KPNA3: variants seen among roughly 807,000 people sequenced by gnomAD.
The protein encoded by KPNA3 is importin subunit alpha-4.
KPNA3 carries 13 observed loss-of-function variants against 73.8 expected under a neutral mutation model. The observed-to-expected ratio is 0.18, with a 90% CI of 0.11 to 0.28. KPNA3 has a LOEUF of 0.28. KPNA3 is among the 10% of genes least tolerant of loss of function. The pLI is 1.00. For synonymous variants in KPNA3, 186 were observed against 206.9 expected (o/e 0.90, Z 0.87); for missense variants, 360 against 618.1 (o/e 0.58, Z 4.43).
chr13:49,780,141 A>G (rs1425908483), intron 1 of KPNA3, among the ~76,000 whole-genome samples: 1 of 152,016 alleles, frequency 6.6e-6, no homozygotes, highest in Admixed American at 6.6e-5. Flanking sequence ...AATCTTCACC[A>G]CTGGATACGC....
intron 1 of KPNA3, among the ~76,000 whole-genome samples, chr13:49,780,655 T>A (rs1954933643): frequency 6.6e-6 from 1 of 152,034 alleles, no homozygotes; most frequent in Non-Finnish European, 1.5e-5. Flanking sequence ...TTTTTCACAA[T>A]CTGGCTCTTG....
chr13:49,745,675 T>C (rs1046870100), intron 2 of KPNA3, among the ~76,000 whole-genome samples: 2 of 151,628 alleles, frequency 1.3e-5, no homozygotes, highest in African/African-American at 4.8e-5. Context: ...TAATTCAATA[T>C]AGGAAGGAGT....
At chr13:49,775,576 C>A (rs548321271) in intron 1 of KPNA3, among the ~76,000 whole-genome samples, 8 of 152,122 alleles carry the variant, frequency 5.3e-5, no homozygotes, top group Non-Finnish European at 1.2e-4. Flanking sequence ...CTTCATCAAA[C>A]CATGAAACAT....
At chr13:49,712,434 G>C (rs1954268215) in intron 10 of KPNA3, among the ~76,000 whole-genome samples, 1 of 151,152 alleles carries the variant, frequency 6.6e-6, no homozygotes, top group Admixed American at 6.6e-5. Flanking sequence ...ATGATAGAAG[G>C]GGGAAAAAAA....
intron 2 of KPNA3, among the ~76,000 whole-genome samples, chr13:49,739,932 A>G (rs1954558002): frequency 6.6e-6 from 1 of 152,214 alleles, no homozygotes; most frequent in South Asian, 2.1e-4. Flanking sequence ...TGAAATATGT[A>G]TAAGCTGTGG....
At chr13:49,764,765 AAAG>A (rs957947620) in intron 1 of KPNA3, among the ~76,000 whole-genome samples, 7 of 143,984 alleles carry the variant, frequency 4.9e-5, no homozygotes, top group Admixed American at 6.7e-5. Context: ...AAAAAAAAAA[AAAG>A]AACCTTTCTC....
chr13:49,731,462 A>G lies in KPNA3; in HGVS notation c.383+909T>C, dbSNP rs116484621. 2.9e-3 allele frequency among the ~76,000 whole-genome samples: 445 copies of G among 152,248 alleles called. 5 individuals carry two copies. Among genetic ancestry groups the G allele is most frequent in the African/African-American group, 0.01 (429 of 41,528 alleles). ...AACACTGTTACAGAAAACAAACATG[A>G]TAGTATTTTAAAAAGTGTTACAGGC... is the stretch of plus-strand genomic sequence containing the variant. On this transcript the variant is annotated intron_variant, in intron 6 of 16. Transcript: ENST00000261667.
intron 1 of KPNA3, among the ~76,000 whole-genome samples, chr13:49,762,547 G>A (rs1954776072): frequency 6.6e-6 from 1 of 152,214 alleles, no homozygotes; most frequent in South Asian, 2.1e-4. Context: ...TTGGGATGCT[G>A]TTGATCTATG....
At chr13:49,712,596 G>A (rs955376906) in intron 10 of KPNA3, among the ~76,000 whole-genome samples, 11 of 151,856 alleles carry the variant, frequency 7.2e-5, no homozygotes, top group South Asian at 6.2e-4. Flanking sequence ...AAGGAAAGGC[G>A]GAGCTGAAAA....
intron 1 of KPNA3, among the ~76,000 whole-genome samples, chr13:49,758,854 C>T (rs1954734716): frequency 6.6e-6 from 1 of 152,046 alleles, no homozygotes; most frequent in Non-Finnish European, 1.5e-5. Flanking sequence ...TGTGTATCTC[C>T]AACGCCTAGA....
intron 1 of KPNA3, among the ~76,000 whole-genome samples, chr13:49,770,595 C>T (rs1252867307): frequency 1.9e-5 from 2 of 106,728 alleles, no homozygotes; most frequent in African/African-American, 7.4e-5. Context: ...TACTATGAAA[C>T]CAGTGCCAAG....
chr13:49,779,097 ATTTTTT>A (rs5803484), intron 1 of KPNA3, among the ~76,000 whole-genome samples: 1 of 147,030 alleles, frequency 6.8e-6, no homozygotes, highest in Admixed American at 6.8e-5. Flanking sequence ...TGCTAGTTCC[ATTTTTT>A]TTTTTTAACA....
rs1024532961 is a variant in KPNA3 at position 49,782,704 on chromosome 13, C to A, written c.69+9734G>T. 3.9e-5 allele frequency among the ~76,000 whole-genome samples: 6 copies of A among 151,992 alleles called. No homozygotes were observed. The East Asian group carries it at 1.2e-3, about 29-fold the overall frequency. ...GACCAGCTTGGACAACACGGCGAAA[C>A]CCTGTCTCTACAAAAAATAAAAAAA... On this transcript the variant is annotated intron_variant, in intron 1 of 16. Coordinates refer to ENST00000261667, the MANE Select transcript of KPNA3 (RefSeq NM_002267.4).
chr13:49,780,068 C>G (rs1366811091), intron 1 of KPNA3, among the ~76,000 whole-genome samples: 3 of 152,104 alleles, frequency 2.0e-5, no homozygotes, highest in Non-Finnish European at 2.9e-5. Flanking sequence ...CTCCTCTTTC[C>G]TTCTTATCCC....
At chr13:49,786,790 G>C (rs1370437014) in intron 1 of KPNA3, among the ~76,000 whole-genome samples, 1 of 152,170 alleles carries the variant, frequency 6.6e-6, no homozygotes, top group East Asian at 1.9e-4. Flanking sequence ...GGCATGCTAA[G>C]GACTTTTATC....
At chr13:49,776,214 C>G (rs1318267371) in intron 1 of KPNA3, among the ~76,000 whole-genome samples, 4 of 152,166 alleles carry the variant, frequency 2.6e-5, no homozygotes, top group Admixed American at 2.6e-4. Flanking sequence ...CCACGCCAGG[C>G]TGTACCCCTA....
rs373765062 is a variant in KPNA3, at chr13:49,721,949, A to T, written c.726+6T>A. ...TACCATCTGGCCTTTACAATTCTTC[A>T]TTTACCTCCTGAACTGTCTCCATAG... On this transcript the variant is annotated splice_donor_region_variant and intron_variant, in intron 9 of 16. Coordinates refer to ENST00000261667, the MANE Select transcript of KPNA3 (RefSeq NM_002267.4). 1 of 1,524,468 alleles carries T rather than the reference A, an allele frequency of 6.6e-7. No homozygotes were observed. Among genetic ancestry groups the T allele is most frequent in the South Asian group, 1.3e-5 (1 of 74,866 alleles). 94.4% of individuals were successfully genotyped at this position (1,524,468 alleles called of 1,614,324 possible). A position where few individuals can be genotyped will look rare whatever the true frequency, so the allele number is the denominator to read the frequency against.
intron 6 of KPNA3, among the ~76,000 whole-genome samples, chr13:49,727,043 A>G (rs1954416461): frequency 6.6e-6 from 1 of 152,212 alleles, no homozygotes; most frequent in South Asian, 2.1e-4. Context: ...TAAGTGGAAT[A>G]CCAAGGATTG....
chr13:49,735,066 TA>T (rs1954509753), intron 2 of KPNA3, among the ~76,000 whole-genome samples: 1 of 152,170 alleles, frequency 6.6e-6, no homozygotes, highest in South Asian at 2.1e-4. Context: ...CCCCTGCATT[TA>T]AATTGAAAAC....
Sources: allele counts gnomAD v4.1 joint callset (sites outside exome capture counted in the v4.1 genomes callset), GRCh38; gene constraint gnomAD v4.1.1; transcripts MANE v1.5; gene names NCBI Gene and HGNC (gene_info 2026-07-23, HGNC 2026-07-21).